Variants in GLT8D2 observed in about 807,000 individuals in gnomAD.
GLT8D2 encodes glycosyltransferase 8 domain-containing protein 2.
Under a neutral mutation model 44.5 loss-of-function variants are expected in GLT8D2, and 45 were observed. The observed-to-expected ratio is 1.01, with a 90% CI of 0.80 to 1.30. The LOEUF is 1.30. GLT8D2 is among the 50% of genes most tolerant of loss of function. The pLI is 0.00. For missense variants in GLT8D2, 400 were observed against 430.4 expected (o/e 0.93, Z 0.62); for synonymous variants, 156 against 157.2 (o/e 0.99, Z 0.06).
chr12:104,018,556 G>T (rs1169638838), intron 3 of GLT8D2, among the ~76,000 whole-genome samples: 1 of 152,092 alleles, frequency 6.6e-6, no homozygotes, highest in African/African-American at 2.4e-5. Flanking sequence ...AAATTCTACA[G>T]TTTATCAACA....
Position 104,030,856 on chromosome 12 carries a change from C to A in GLT8D2, c.-163-9365G>T, listed in dbSNP as rs113756188. 10,693 of 1,574,456 alleles carry A rather than the reference C, an allele frequency of 6.8e-3. 653 individuals are homozygous for A. The African/African-American group carries it at 0.13, about 19-fold the overall frequency. ...TGGAGAACCGCTTCAGCGGCTGGTA[C>A]GACGCCGACCTGAGCCCGGCGGGCC... On this transcript the variant is annotated intron_variant, in intron 1 of 10. Coordinates refer to ENST00000360814, the MANE Select transcript of GLT8D2 (RefSeq NM_001384711.1).
chr12:103,994,006 T>TA (rs959838082), intron 9 of GLT8D2: 5 of 170,862 alleles, frequency 2.9e-5, no homozygotes, highest in East Asian at 3.2e-4. Context: ...TAATCCTTAA[T>TA]AAAAAAATCT....
chr12:104,032,529 G>C (rs1181025961), intron 1 of GLT8D2, among the ~76,000 whole-genome samples: 2 of 123,308 alleles, frequency 1.6e-5, no homozygotes, highest in African/African-American at 3.2e-5. Flanking sequence ...TCTAAAGAAA[G>C]CACACAAATG....
intron 1 of GLT8D2, among the ~76,000 whole-genome samples, chr12:104,048,177 G>A (rs1881365316): frequency 6.6e-6 from 1 of 152,214 alleles, no homozygotes; most frequent in Admixed American, 6.5e-5. Flanking sequence ...AGGGAAGGTG[G>A]AGAATAGGAT....
chr12:104,046,313 C>T (rs181559895), intron 1 of GLT8D2, among the ~76,000 whole-genome samples: 12 of 152,322 alleles, frequency 7.9e-5, no homozygotes, highest in East Asian at 1.9e-4. Context: ...CATTGTTCTA[C>T]GACTTTTACA....
rs144806637 is a variant in GLT8D2 at position 104,062,113 on chromosome 12, G to T, written c.-423+1836C>A. 4.1e-3 allele frequency among the ~76,000 whole-genome samples: 627 copies of T among 151,632 alleles called. 3 individuals carry two copies. Among genetic ancestry groups the T allele is most frequent in the African/African-American group, 0.014 (596 of 41,356 alleles). On this transcript the variant is annotated intron_variant, in intron 1 of 10. Transcript: ENST00000548660. ...TTTTAGACTGAGTTTTGTTCTTGTT[G>T]CCCAGGCTGGAGTGCAATGGCACCA...
upstream of GLT8D2, among the ~76,000 whole-genome samples, chr12:104,054,874 T>G (rs1882043986): frequency 6.6e-6 from 1 of 152,170 alleles, no homozygotes; most frequent in Non-Finnish European, 1.5e-5. Context: ...ACACTGGTTG[T>G]GCACAGTGAC....
intron 1 of GLT8D2, among the ~76,000 whole-genome samples, chr12:104,021,939 GAAGAAGAAGAAGAAGAGGAA>G (rs1566202483): frequency 0.015 from 400 of 26,734 alleles, 29 homozygotes; most frequent in South Asian, 0.039. Flanking sequence ...AGAAGAAGAA[GAAGAAGAAGAAGAAGAGGAA>G]GAAGAGGAAG....
chr12:103,997,317 C>G, intron 7 of GLT8D2, 134 bp downstream of exon 7: 1 of 707,632 alleles, frequency 1.4e-6, no homozygotes, highest in Non-Finnish European at 2.5e-6. Flanking sequence ...ACATTTACAA[C>G]AATACTGTAC....
intron 4 of GLT8D2, among the ~76,000 whole-genome samples, chr12:104,005,490 AAGGGCTAATAGCC>A (rs1874864822): frequency 6.6e-6 from 1 of 152,218 alleles, no homozygotes; most frequent in Admixed American, 6.5e-5. Context: ...TCATCTGACA[AAGGGCTAATAGCC>A]AGAATCGACA....
chr12:104,011,018 T>C (rs777054622), intron 4 of GLT8D2, among the ~76,000 whole-genome samples: 2 of 152,230 alleles, frequency 1.3e-5, no homozygotes, highest in African/African-American at 2.4e-5. Context: ...TGTCCAGCTC[T>C]GCTGCCAACA....
intron 1 of GLT8D2, among the ~76,000 whole-genome samples, chr12:104,049,687 G>A (rs17035153): frequency 0.091 from 13,839 of 152,188 alleles, 946 homozygotes; most frequent in East Asian, 0.31. Flanking sequence ...GAAAAACATT[G>A]CACACTGGAT....
chr12:104,032,476 A>G (rs1879399220), intron 1 of GLT8D2, among the ~76,000 whole-genome samples: 1 of 150,002 alleles, frequency 6.7e-6, no homozygotes. Flanking sequence ...CAAAAAAAAA[A>G]AAAAAAAAAA....
At chr12:104,015,718 T>C (rs1876491813) in intron 3 of GLT8D2, among the ~76,000 whole-genome samples, 1 of 152,066 alleles carries the variant, frequency 6.6e-6, no homozygotes. Flanking sequence ...TAAGATTATA[T>C]TGGCCAGTTG....
intron 1 of GLT8D2, among the ~76,000 whole-genome samples, chr12:104,057,826 T>G (rs1208185697): frequency 6.6e-6 from 1 of 152,166 alleles, no homozygotes; most frequent in Non-Finnish European, 1.5e-5. Context: ...TTCTTTCTTT[T>G]TTTCCCCCCT....
intron 1 of GLT8D2, among the ~76,000 whole-genome samples, chr12:104,041,296 C>A (rs1197081579): frequency 6.6e-6 from 1 of 152,222 alleles, no homozygotes; most frequent in Non-Finnish European, 1.5e-5. Flanking sequence ...CGCCTGTAAT[C>A]CCAGCTAGTC....
At chr12:104,010,139 G>T (rs1221912853) in intron 4 of GLT8D2, among the ~76,000 whole-genome samples, 1 of 152,102 alleles carries the variant, frequency 6.6e-6, no homozygotes. Context: ...ATGAGAATTT[G>T]ACGTTTCTTT....
chr12:104,040,582 T>C (rs778841649), intron 1 of GLT8D2, among the ~76,000 whole-genome samples: 11 of 149,660 alleles, frequency 7.3e-5, no homozygotes, highest in East Asian at 6.3e-4. Context: ...CGTGCCACCA[T>C]GCCCAACTAA....
Position 104,014,487 on chromosome 12 carries a change from T to C in GLT8D2, c.112+526A>G. 5.3e-6 allele frequency: 3 copies of C among 570,566 alleles called. No individual in the cohort carries two copies. In the South Asian group the frequency reaches 6.9e-5, roughly 13 times the overall value. The allele number at this position is 570,566 out of a possible 1,614,324, so 35.3% of individuals were successfully genotyped here. The stretch of plus-strand genomic sequence containing the variant: ...TTCACCCCCGAGGAGGGAAACATGG[T>C]TCTCAGTGCAGCTGGGAGAGACCAC... On this transcript the variant is annotated intron_variant, in intron 4 of 10. Coordinates refer to ENST00000360814, the MANE Select transcript of GLT8D2 (RefSeq NM_001384711.1).
Sources: allele counts gnomAD v4.1 joint callset (sites outside exome capture counted in the v4.1 genomes callset), GRCh38; gene constraint gnomAD v4.1.1; transcripts MANE v1.5; gene names NCBI Gene and HGNC (gene_info 2026-07-23, HGNC 2026-07-21).